Variants in CNTN3 observed in about 807,000 individuals in gnomAD.
CNTN3 encodes the protein contactin 3, also known as contactin-3.
In CNTN3, 60 loss-of-function variants were observed where a neutral mutation model predicts 119.1. The ratio of observed to expected loss-of-function variants is 0.50; its 90% CI spans 0.41 to 0.62. The LOEUF (loss-of-function observed/expected upper bound fraction) is 0.62, where lower values mean the gene tolerates loss of function less well. Among genes scored for constraint, CNTN3 ranks in the 20% least tolerant of loss-of-function variants. The pLI, the probability that CNTN3 is intolerant of heterozygous loss-of-function variation, is 0.00. For synonymous variants in CNTN3, 450 were observed against 438.7 expected (o/e 1.03, Z -0.32); for missense variants, 1,101 against 1,242.4 (o/e 0.89, Z 1.71).
Position 74,339,255 on chromosome 3 carries a change from C to T in CNTN3, c.1365-2597G>A, listed in dbSNP as rs191463138. Among the ~76,000 whole-genome samples, 412 of 152,120 alleles carry T rather than the reference C, an allele frequency of 2.7e-3. 4 individuals carry two copies. Among genetic ancestry groups the T allele is most frequent in the African/African-American group, 9.7e-3 (402 of 41,512 alleles). ...GAACCTCCTCTTTGGTGTCACATTG[C>T]CTGGGAGATACAGACTATATCCTAA... is the stretch of plus-strand genomic sequence containing the variant. On this transcript the variant is annotated intron_variant, in intron 11 of 22. Transcript: ENST00000263665.
intron 1 of CNTN3, among the ~76,000 whole-genome samples, chr3:74,583,296 G>C (rs749406420): frequency 6.6e-6 from 1 of 151,882 alleles, no homozygotes; most frequent in Non-Finnish European, 1.5e-5. Flanking sequence ...AATAACTCGA[G>C]TCTGAAATGA....
At chr3:74,356,592 A>G (rs1464368700) in intron 11 of CNTN3, among the ~76,000 whole-genome samples, 1 of 152,128 alleles carries the variant, frequency 6.6e-6, no homozygotes, top group African/African-American at 2.4e-5. Flanking sequence ...CTGATAAATA[A>G]TAAATACCTA....
At chr3:74,523,015 T>C (rs1318164226) in intron 1 of CNTN3, among the ~76,000 whole-genome samples, 4 of 151,808 alleles carry the variant, frequency 2.6e-5, no homozygotes, top group African/African-American at 4.8e-5. Context: ...CAATCAATCA[T>C]TATACTGCTC....
At chr3:74,424,802 G>T in intron 5 of CNTN3, 43 bp downstream of exon 5, 3 of 1,539,130 alleles carry the variant, frequency 1.9e-6, no homozygotes, top group Non-Finnish European at 1.8e-6. Flanking sequence ...GCCTTGCCCT[G>T]AACCTTAATA....
chr3:74,476,775 T>C (rs1371008400), intron 4 of CNTN3, among the ~76,000 whole-genome samples: 4 of 151,826 alleles, frequency 2.6e-5, no homozygotes, highest in Non-Finnish European at 5.9e-5. Context: ...ACATGGAAAA[T>C]ATATTCATTA....
At chr3:74,284,455 G>C (rs1488807) in intron 20 of CNTN3, among the ~76,000 whole-genome samples, 42,926 of 152,010 alleles carry the variant, frequency 0.28, 6,517 homozygotes, top group South Asian at 0.52. Flanking sequence ...CTTTAAAATA[G>C]AGATAATAAT....
chr3:74,288,159 C>CTTTTTTTTTTTTTTTT (rs3084509), intron 19 of CNTN3, among the ~76,000 whole-genome samples: 1 of 90,376 alleles, frequency 1.1e-5, no homozygotes, highest in African/African-American at 3.4e-5. Context: ...CTTTTCTTTT[C>CTTTTTTTTTTTTTTTT]TTTTTTTTTT....
chr3:74,302,301 T>A (rs1460908829), intron 14 of CNTN3, among the ~76,000 whole-genome samples: 1 of 152,350 alleles, frequency 6.6e-6, no homozygotes, highest in Middle Eastern at 3.4e-3. Context: ...TCATTCTGAA[T>A]AATCCTGATA....
chr3:74,522,508 A>G (rs1438123979), intron 1 of CNTN3, among the ~76,000 whole-genome samples: 1 of 151,920 alleles, frequency 6.6e-6, no homozygotes, highest in African/African-American at 2.4e-5. Flanking sequence ...AGTGCAAGTA[A>G]TTTACTTGGG....
chr3:74,525,888 T>C (rs1487409016), intron 1 of CNTN3, among the ~76,000 whole-genome samples: 1 of 151,908 alleles, frequency 6.6e-6, no homozygotes, highest in Non-Finnish European at 1.5e-5. Context: ...ACAAAACTGC[T>C]ACTAAGACTG....
At chr3:74,487,567 A>G (rs530829249) in intron 3 of CNTN3, among the ~76,000 whole-genome samples, 1 of 152,298 alleles carries the variant, frequency 6.6e-6, no homozygotes, top group South Asian at 2.1e-4. Flanking sequence ...ATTTTAATAA[A>G]GCAACCATGT....
At chr3:74,546,083 C>T (rs530564324) in intron 1 of CNTN3, among the ~76,000 whole-genome samples, 43 of 152,204 alleles carry the variant, frequency 2.8e-4, no homozygotes, top group African/African-American at 9.4e-4. Flanking sequence ...GCAAGCTCCG[C>T]CTCCCAGGTT....
Position 74,294,295 on chromosome 3 carries a change from C to T in CNTN3, c.2517+826G>A, listed in dbSNP as rs1020102415. On this transcript the variant is annotated intron_variant, in intron 19 of 22. Coordinates refer to ENST00000263665, the MANE Select transcript of CNTN3 (RefSeq NM_020872.3). ...TTCTCAGCTCTACTACTCCCAGTTTCCTCTAACTGCTCACTACTAAATAGG... is the reference window on the plus strand; with the variant it reads ...TTCTCAGCTCTACTACTCCCAGTTTTCTCTAACTGCTCACTACTAAATAGG... Among the ~76,000 whole-genome samples the T allele has an allele frequency of 2.3e-4, 35 of 152,266 alleles. 1 individual carries two copies. The highest frequency in any genetic ancestry group is 1.4e-3 in the East Asian group (7 of 5,166).
chr3:74,293,328 T>C (rs565916006), intron 19 of CNTN3, among the ~76,000 whole-genome samples: 58 of 152,312 alleles, frequency 3.8e-4, no homozygotes, highest in African/African-American at 1.4e-3. Context: ...AGTCGATGCT[T>C]GTTTGGTTGC....
intron 5 of CNTN3, among the ~76,000 whole-genome samples, chr3:74,379,717 T>C (rs1704568852): frequency 2.6e-5 from 4 of 152,230 alleles, no homozygotes; most frequent in South Asian, 4.1e-4. Flanking sequence ...TCCAAAGACA[T>C]CTCAAGATGA....
intron 13 of CNTN3, among the ~76,000 whole-genome samples, chr3:74,325,244 C>T (rs1330615221): frequency 4.6e-5 from 7 of 152,250 alleles, no homozygotes; most frequent in African/African-American, 1.7e-4. Flanking sequence ...ATAATCCAGG[C>T]AACTAGGTTT....
chr3:74,499,642 C>A lies in CNTN3; in HGVS notation c.182+17G>T. 1 of 1,577,412 alleles carries A rather than the reference C, an allele frequency of 6.3e-7. No homozygotes were observed. The highest frequency in any genetic ancestry group is 8.6e-7 in the Non-Finnish European group (1 of 1,166,966). ...GTTTAGTTTTTTTTATTTGAATTTT[C>A]AAACTTTTCACTGTACCTGTAATGA... On this transcript the variant is annotated intron_variant, in intron 3 of 22. Coordinates refer to ENST00000263665, the MANE Select transcript of CNTN3 (RefSeq NM_020872.3).
intron 2 of CNTN3, among the ~76,000 whole-genome samples, chr3:74,509,205 T>G (rs921921519): frequency 6.6e-6 from 1 of 152,008 alleles, no homozygotes; most frequent in Non-Finnish European, 1.5e-5. Context: ...GGAGGGAAAA[T>G]AAACATGGGA....
intron 5 of CNTN3, among the ~76,000 whole-genome samples, chr3:74,387,601 G>A (rs936070725): frequency 5.9e-5 from 9 of 152,198 alleles, no homozygotes; most frequent in African/African-American, 2.2e-4. Context: ...CCTGAAAAGT[G>A]TCAAAAGCTA....
Sources: allele counts gnomAD v4.1 joint callset (sites outside exome capture counted in the v4.1 genomes callset), GRCh38; gene constraint gnomAD v4.1.1; transcripts MANE v1.5; gene names NCBI Gene and HGNC (gene_info 2026-07-23, HGNC 2026-07-21).